The following EPS8 variants were observed in gnomAD, a reference collection of about 807,000 sequenced individuals.
The protein encoded by EPS8 is epidermal growth factor receptor kinase substrate 8.
A neutral mutation model predicts 103.8 loss-of-function variants in EPS8; 42 were observed. That is an observed-to-expected ratio of 0.40 (90% CI 0.32 to 0.52). The LOEUF is 0.52. Ranked by LOEUF, EPS8 falls within the 20% of genes least tolerant of loss-of-function variation. EPS8 has a pLI of 0.40. For missense variants in EPS8, 969 were observed against 1,005.1 expected (o/e 0.96, Z 0.49); for synonymous variants, 344 against 344.6 (o/e 1.00, Z 0.02).
At chr12:15,755,131 TC>T (rs1261396095) in intron 1 of EPS8, among the ~76,000 whole-genome samples, 5 of 152,100 alleles carry the variant, frequency 3.3e-5, no homozygotes, top group Middle Eastern at 3.4e-3. Flanking sequence ...ATAGATGACA[TC>T]ACTCATCTAG....
intron 1 of EPS8, among the ~76,000 whole-genome samples, chr12:15,718,908 C>T (rs1241970887): frequency 6.6e-6 from 1 of 152,106 alleles, no homozygotes; most frequent in East Asian, 1.9e-4. Flanking sequence ...AAGTATCAAT[C>T]CTTTCTGGAG....
intron 1 of EPS8, among the ~76,000 whole-genome samples, chr12:15,743,741 C>T (rs1946847802): frequency 6.6e-6 from 1 of 152,170 alleles, no homozygotes; most frequent in Non-Finnish European, 1.5e-5. Flanking sequence ...CCCTTCCTTA[C>T]ACCTTATACA....
At chr12:15,711,717 T>G (rs774165892) in intron 1 of EPS8, among the ~76,000 whole-genome samples, 8 of 152,216 alleles carry the variant, frequency 5.3e-5, no homozygotes, top group Non-Finnish European at 1.0e-4. Context: ...AAAAGCTGTA[T>G]ACAATATTTC....
At chr12:15,742,283 T>A (rs1946832766) in intron 1 of EPS8, among the ~76,000 whole-genome samples, 1 of 152,172 alleles carries the variant, frequency 6.6e-6, no homozygotes, top group African/African-American at 2.4e-5. Flanking sequence ...CTTGAGGAAT[T>A]GCCACACTGT....
At position 15,728,670 on chromosome 12, in the gene EPS8, T is replaced by C. The variant is rs1287768797; in HGVS notation, c.-21-45698A>G. Among the ~76,000 whole-genome samples, 1 of 152,254 alleles carries C rather than the reference T, an allele frequency of 6.6e-6. No homozygotes were observed. The highest frequency in any genetic ancestry group is 6.5e-5 in the Admixed American group (1 of 15,288). On this transcript the variant is annotated intron_variant, in intron 1 of 20. Coordinates refer to ENST00000281172, the MANE Select transcript of EPS8 (RefSeq NM_004447.6). The surrounding 1 kb of genome is among the most constrained non-coding windows in gnomAD (Gnocchi z 4.5). ...TATTTACATTTCAGTGAAATATTTA[T>C]GCTTTGTGACTTACTTGAACACAAA...
Position 15,776,512 on chromosome 12 carries a change from TACCCAAA to T in EPS8, c.-22+12642_-22+12648del, listed in dbSNP as rs1202517147. On this transcript the variant is annotated intron_variant, in intron 1 of 20. Coordinates refer to ENST00000281172, the MANE Select transcript of EPS8 (RefSeq NM_004447.6). The surrounding 1 kb of genome is among the most constrained non-coding windows in gnomAD (Gnocchi z 4.2). ...ATCAGCAAGCATTTGTTACACCTAA[TACCCAAA>T]ACCCAAATGATGCCCACGTTAGCCC... Among the ~76,000 whole-genome samples the T allele has an allele frequency of 1.3e-5, 2 of 152,156 alleles. No individual in the cohort carries two copies. Among genetic ancestry groups the T allele is most frequent in the Non-Finnish European group, 2.9e-5 (2 of 68,016 alleles).
intron 1 of EPS8, among the ~76,000 whole-genome samples, chr12:15,687,496 T>G (rs1946112235): frequency 6.6e-6 from 1 of 152,184 alleles, no homozygotes; most frequent in Admixed American, 6.5e-5. Context: ...TCTTTCTTTA[T>G]GACAAAATTC....
At chr12:15,630,778 G>T (rs576467599) in intron 18 of EPS8, among the ~76,000 whole-genome samples, 8 of 152,116 alleles carry the variant, frequency 5.3e-5, no homozygotes, top group Non-Finnish European at 8.8e-5. Flanking sequence ...GTCATACAGG[G>T]GTCAAAATCA....
At chr12:15,673,335 C>G (rs907977326) in intron 3 of EPS8, among the ~76,000 whole-genome samples, 1 of 152,044 alleles carries the variant, frequency 6.6e-6, no homozygotes, top group Non-Finnish European at 1.5e-5. Flanking sequence ...ACTAGTAGTT[C>G]CAGTGATTTT....
At chr12:15,710,489 A>G (rs544293107) in intron 1 of EPS8, among the ~76,000 whole-genome samples, 1 of 152,338 alleles carries the variant, frequency 6.6e-6, no homozygotes, top group East Asian at 1.9e-4. Flanking sequence ...TACCAAGTAC[A>G]GAGAGACAAT....
chr12:15,662,455 C>A (rs1353227044), intron 8 of EPS8: 2 of 1,007,798 alleles, frequency 2.0e-6, no homozygotes, highest in Non-Finnish European at 2.4e-6. Flanking sequence ...CAAGCTTTTA[C>A]TTCTCAAAAG....
intron 1 of EPS8, among the ~76,000 whole-genome samples, chr12:15,775,408 C>T (rs1947198102): frequency 6.6e-6 from 1 of 152,064 alleles, no homozygotes; most frequent in South Asian, 2.1e-4. Flanking sequence ...AAAGGGAGTA[C>T]TGATATACTG....
rs990591344 is a variant in EPS8, at chr12:15,727,386, A to G, written c.-21-44414T>C. On this transcript the variant is annotated intron_variant, in intron 1 of 20. Transcript: ENST00000281172. This position sits in a 1 kb window ranked among gnomAD's most constrained non-coding sequence, Gnocchi z 4.3. The stretch of plus-strand genomic sequence containing the variant: ...CAACTCATTTTATCATCCCAAATTC[A>G]TTGTTTTACTTGTGTCCATCACTCC... 2.6e-4 allele frequency among the ~76,000 whole-genome samples: 39 copies of G among 152,204 alleles called. No homozygotes were observed. The highest frequency in any genetic ancestry group is 9.2e-4 in the African/African-American group (38 of 41,448).
rs561380964 is a variant in EPS8 at position 15,778,780 on chromosome 12, A to G, written c.-22+10381T>C. Among the ~76,000 whole-genome samples, 2 of 152,348 alleles carry G rather than the reference A, an allele frequency of 1.3e-5. No individual in the cohort carries two copies. Among genetic ancestry groups the G allele is most frequent in the South Asian group, 2.1e-4 (1 of 4,828 alleles). On this transcript the variant is annotated intron_variant, in intron 1 of 20. Transcript: ENST00000281172. The surrounding 1 kb of genome is among the most constrained non-coding windows in gnomAD (Gnocchi z 4.5). ...TGTTCATGCCTTTATGGGGGGAATA[A>G]AGGTAGTAAATCTACTTAAAGGTAG... is the stretch of plus-strand genomic sequence containing the variant.
intron 7 of EPS8, among the ~76,000 whole-genome samples, chr12:15,666,160 T>C (rs1423211147): frequency 6.6e-6 from 1 of 152,218 alleles, no homozygotes; most frequent in African/African-American, 2.4e-5. Context: ...CTGTCTAGCT[T>C]GTATTTCCCT....
rs2099911773 is a variant in EPS8, at chr12:15,713,949, A to C, written c.-21-30977T>G. Among the ~76,000 whole-genome samples the C allele has an allele frequency of 1.3e-5, 2 of 152,218 alleles. No individual in the cohort carries two copies. Among genetic ancestry groups the C allele is most frequent in the African/African-American group, 4.8e-5 (2 of 41,454 alleles). On this transcript the variant is annotated intron_variant, in intron 1 of 20. Transcript: ENST00000281172. The surrounding 1 kb of genome is among the most constrained non-coding windows in gnomAD (Gnocchi z 4.8). ...GAATCTCCTAGGTAAAAAAATTAAG[A>C]ATCTCCAATCTAAGGAATTAGATCC...
intron 17 of EPS8, among the ~76,000 whole-genome samples, chr12:15,640,108 C>A (rs1373953899): frequency 6.6e-6 from 1 of 152,200 alleles, no homozygotes; most frequent in African/African-American, 2.4e-5. Context: ...TAAGAATGGA[C>A]CTTCATGGGC....
intron 3 of EPS8, among the ~76,000 whole-genome samples, chr12:15,674,190 A>G (rs990306253): frequency 2.0e-5 from 3 of 152,198 alleles, no homozygotes; most frequent in Non-Finnish European, 2.9e-5. Flanking sequence ...TATGCATAAT[A>G]TAACATTTGA....
At position 15,714,902 on chromosome 12, in the gene EPS8, A is replaced by G. The variant is rs190993912; in HGVS notation, c.-21-31930T>C. Among the ~76,000 whole-genome samples the G allele has an allele frequency of 1.3e-5, 2 of 152,088 alleles. No homozygotes were observed. Among genetic ancestry groups the G allele is most frequent in the Admixed American group, 1.3e-4 (2 of 15,270 alleles). On this transcript the variant is annotated intron_variant, in intron 1 of 20. Transcript: ENST00000281172. This position sits in a 1 kb window ranked among gnomAD's most constrained non-coding sequence, Gnocchi z 4.1. ...TCTACATCCACTTTTGTTCTCTACC[A>G]TCTCTCAAGCTCCTGACCACTGTAT...
Sources: allele counts gnomAD v4.1 joint callset (sites outside exome capture counted in the v4.1 genomes callset), GRCh38; gene constraint gnomAD v4.1.1; non-coding constraint Gnocchi (gnomAD v3.1); transcripts MANE v1.5; gene names NCBI Gene and HGNC (gene_info 2026-07-23, HGNC 2026-07-21).